FOXP2: variants seen among roughly 807,000 people sequenced by gnomAD.
The protein encoded by FOXP2 is forkhead box P2, also known as forkhead box protein P2.
A neutral mutation model predicts 115.8 loss-of-function variants in FOXP2; 12 were observed. The ratio of observed to expected loss-of-function variants is 0.10; its 90% confidence interval spans 0.07 to 0.17. FOXP2 has a LOEUF of 0.17. Among genes scored for constraint, FOXP2 ranks in the 10% least tolerant of loss-of-function variants. FOXP2 has a pLI of 1.00. For synonymous variants in FOXP2, 328 were observed against 297.7 expected (o/e 1.10, Z -1.05); for missense variants, 629 against 843.5 (o/e 0.75, Z 3.15).
At chr7:114,516,823 G>T (rs909635564) in intron 2 of FOXP2, among the ~76,000 whole-genome samples, 103 of 152,128 alleles carry the variant, frequency 6.8e-4, no homozygotes, top group African/African-American at 2.4e-3. Flanking sequence ...TGCCTCCTGA[G>T]TAGTTGGGAC....
chr7:114,570,258 G>T (rs1030093746), intron 3 of FOXP2, among the ~76,000 whole-genome samples: 1 of 151,848 alleles, frequency 6.6e-6, no homozygotes. Context: ...CATAGTCTTA[G>T]ATACATTTTA....
At chr7:114,359,943 G>A (rs184326575) in intron 2 of FOXP2, among the ~76,000 whole-genome samples, 1 of 152,226 alleles carries the variant, frequency 6.6e-6, no homozygotes, top group East Asian at 1.9e-4. Flanking sequence ...CAGCATGATT[G>A]GTTTTGAAAT....
At chr7:114,252,742 AG>A (rs1237594081) in intron 1 of FOXP2, among the ~76,000 whole-genome samples, 3 of 151,974 alleles carry the variant, frequency 2.0e-5, no homozygotes, top group Non-Finnish European at 4.4e-5. Context: ...TCAAAAAACC[AG>A]CTCCTGCTTT....
At chr7:114,555,416 G>A (rs1186151485) in intron 3 of FOXP2, among the ~76,000 whole-genome samples, 2 of 152,136 alleles carry the variant, frequency 1.3e-5, no homozygotes, top group African/African-American at 4.8e-5. Flanking sequence ...GTAATGACAA[G>A]GGGATGACAA....
Position 114,513,059 on chromosome 7 carries a change from G to C in FOXP2, c.169-21558G>C, listed in dbSNP as rs925117796. Among the ~76,000 whole-genome samples, 10 of 152,058 alleles carry C rather than the reference G, an allele frequency of 6.6e-5. 1 individual carries two copies. Among genetic ancestry groups the C allele is most frequent in the African/African-American group, 1.9e-4 (8 of 41,396 alleles). ...ATCGCTCACCACTGTACTCCAGCCT[G>C]GTGACAGACCAAGACTCCATCTCAA... On this transcript the variant is annotated intron_variant, in intron 2 of 16. Transcript: ENST00000350908.
At chr7:114,336,848 C>T (rs1310413530) in intron 2 of FOXP2, among the ~76,000 whole-genome samples, 1 of 151,262 alleles carries the variant, frequency 6.6e-6, no homozygotes, top group Non-Finnish European at 1.5e-5. Context: ...CTGTATTTCA[C>T]CATGCAAATC....
intron 2 of FOXP2, among the ~76,000 whole-genome samples, chr7:114,451,846 A>C (rs1407229998): frequency 6.6e-6 from 1 of 152,062 alleles, no homozygotes; most frequent in African/African-American, 2.4e-5. Flanking sequence ...AGGATGATTA[A>C]GAGCTAGCCA....
chr7:114,162,820 C>T (rs755391350), upstream of FOXP2: 3 of 151,802 alleles, frequency 2.0e-5, no homozygotes, highest in Non-Finnish European at 4.4e-5. Flanking sequence ...CAAGGCAATT[C>T]TTATATTTCT....
rs183177649 is a variant in FOXP2 at position 114,659,849 on chromosome 7, T to C, written c.1647+176T>C. On this transcript the variant is annotated intron_variant, in intron 13 of 16. Coordinates refer to ENST00000350908, the MANE Select transcript of FOXP2 (RefSeq NM_014491.4). ...TGACAAGTGAAAGAATAATTTTGCC[T>C]CTGATATAGTTTTCTAATTTGGTGC... Among the ~76,000 whole-genome samples, 274 of 152,304 alleles carry C rather than the reference T, an allele frequency of 1.8e-3. 1 individual carries two copies. Among genetic ancestry groups the C allele is most frequent in the Admixed American group, 5.4e-3 (82 of 15,292 alleles).
chr7:114,567,256 T>G (rs1801071242), intron 3 of FOXP2, among the ~76,000 whole-genome samples: 1 of 152,120 alleles, frequency 6.6e-6, no homozygotes, highest in African/African-American at 2.4e-5. Flanking sequence ...AAATGTTAAG[T>G]ATATGGGTAT....
intron 2 of FOXP2, among the ~76,000 whole-genome samples, chr7:114,409,221 A>C (rs1208331635): frequency 2.0e-5 from 3 of 152,104 alleles, no homozygotes; most frequent in African/African-American, 7.2e-5. Context: ...TAATATATTA[A>C]AATTTCTCAT....
chr7:114,555,644 A>G (rs568588036), intron 3 of FOXP2, among the ~76,000 whole-genome samples: 10 of 152,216 alleles, frequency 6.6e-5, no homozygotes, highest in African/African-American at 2.4e-4. Flanking sequence ...TAAAAATACA[A>G]AAATTAGCCA....
At chr7:114,681,381 TC>T (rs1808073992) in intron 16 of FOXP2, among the ~76,000 whole-genome samples, 1 of 152,212 alleles carries the variant, frequency 6.6e-6, no homozygotes, top group African/African-American at 2.4e-5. Flanking sequence ...CTTAACATTT[TC>T]ATTATTTAGT....
chr7:114,255,046 C>T (rs996022874), intron 1 of FOXP2, among the ~76,000 whole-genome samples: 4 of 152,150 alleles, frequency 2.6e-5, no homozygotes, highest in African/African-American at 9.7e-5. Context: ...TCGGAGTTTG[C>T]TGGAGGTCCA....
chr7:114,393,521 A>G (rs1792660576), intron 2 of FOXP2, among the ~76,000 whole-genome samples: 1 of 151,788 alleles, frequency 6.6e-6, no homozygotes, highest in African/African-American at 2.4e-5. Context: ...TGGCATGGAA[A>G]ATTAGAGCCG....
intron 1 of FOXP2, among the ~76,000 whole-genome samples, chr7:114,269,777 T>C (rs1417857021): frequency 6.6e-6 from 1 of 152,180 alleles, no homozygotes; most frequent in East Asian, 1.9e-4. Flanking sequence ...CAGAATTATG[T>C]TCCTCCACAC....
intron 3 of FOXP2, among the ~76,000 whole-genome samples, chr7:114,541,399 T>C (rs930565861): frequency 2.6e-5 from 4 of 152,028 alleles, no homozygotes; most frequent in Non-Finnish European, 4.4e-5. Flanking sequence ...ATTGGATTTA[T>C]TAAGGAAGGT....
intron 2 of FOXP2, among the ~76,000 whole-genome samples, chr7:114,344,207 C>T (rs1047331950): frequency 6.6e-6 from 1 of 151,700 alleles, no homozygotes; most frequent in Admixed American, 6.6e-5. Context: ...GCATGCTACA[C>T]CTGTGATTTT....
chr7:114,266,077 A>G (rs1190423982), intron 1 of FOXP2, among the ~76,000 whole-genome samples: 3 of 151,946 alleles, frequency 2.0e-5, no homozygotes, highest in African/African-American at 7.3e-5. Context: ...TCAATGAAAA[A>G]AAAAACAAAA....
Sources: allele counts gnomAD v4.1 joint callset (sites outside exome capture counted in the v4.1 genomes callset), GRCh38; gene constraint gnomAD v4.1.1; transcripts MANE v1.5; gene names NCBI Gene and HGNC (gene_info 2026-07-23, HGNC 2026-07-21).